Variants in CCDC60 observed in about 807,000 individuals in gnomAD.
CCDC60 encodes coiled-coil domain-containing protein 60.
In CCDC60, 54 loss-of-function variants were observed where a neutral mutation model predicts 63.5. The ratio of observed to expected loss-of-function variants is 0.85; its 90% CI spans 0.68 to 1.07. The LOEUF (loss-of-function observed/expected upper bound fraction) is 1.07. Among genes scored for constraint, CCDC60 ranks in the 50% least tolerant of loss-of-function variants. CCDC60 has a pLI of 0.00. For missense variants in CCDC60, 651 were observed against 684.3 expected (o/e 0.95, Z 0.54); for synonymous variants, 206 against 238.8 (o/e 0.86, Z 1.27).
chr12:119,386,930 G>A (rs1408326565), intron 1 of CCDC60, among the ~76,000 whole-genome samples: 2 of 151,820 alleles, frequency 1.3e-5, no homozygotes, highest in Non-Finnish European at 2.9e-5. Flanking sequence ...TATTTCTATG[G>A]AGAATTCTCC....
In CCDC60 at chr12:119,531,004, G is replaced by T. The variant is rs141367042; in HGVS notation, c.1492G>T (p.Val498Leu). The T allele has an allele frequency of 1.2e-6, 2 of 1,614,126 alleles. No individual in the cohort carries two copies. Among genetic ancestry groups the T allele is most frequent in the Non-Finnish European group, 1.7e-6 (2 of 1,179,986 alleles). The part of the protein sequence containing the change: ...LRIRPHVLLK[V>L]LQDLRIWELC... ...GATTCGACCCCATGTCCTCCTGAAG[G>T]TGCTGCAGGATCTGAGGATTTGGGA... The change falls in exon 13 of 14, where the codon GTG becomes TTG. Residue 498 changes from valine (V) to leucine (L), a missense_variant. By Grantham distance (32) the Val-to-Leu change is conservative. Transcript: ENST00000327554.
intron 1 of CCDC60, among the ~76,000 whole-genome samples, chr12:119,384,195 C>CA (rs1026311643): frequency 2.3e-3 from 312 of 136,504 alleles, no homozygotes; most frequent in African/African-American, 6.9e-3. Flanking sequence ...GACTCCATCT[C>CA]AAAAAAAAAA....
intron 1 of CCDC60, among the ~76,000 whole-genome samples, chr12:119,392,459 C>G (rs1371948986): frequency 6.6e-6 from 1 of 152,148 alleles, no homozygotes; most frequent in Non-Finnish European, 1.5e-5. Flanking sequence ...CTGGTTTTCT[C>G]ATCTGTAAAA....
At chr12:119,535,628 T>C (rs766054933) in intron 13 of CCDC60, among the ~76,000 whole-genome samples, 4 of 152,216 alleles carry the variant, frequency 2.6e-5, no homozygotes, top group Non-Finnish European at 4.4e-5. Flanking sequence ...TTGTTTTCAT[T>C]GGTTTCAAAG....
chr12:119,462,846 C>CA (rs1950882119), intron 2 of CCDC60, among the ~76,000 whole-genome samples: 1 of 146,840 alleles, frequency 6.8e-6, no homozygotes, highest in African/African-American at 2.5e-5. Flanking sequence ...ATTTTTGAGA[C>CA]AGAGTCTTGC....
intron 1 of CCDC60, among the ~76,000 whole-genome samples, chr12:119,398,493 A>G (rs1956327162): frequency 6.6e-6 from 1 of 152,202 alleles, no homozygotes; most frequent in Non-Finnish European, 1.5e-5. Flanking sequence ...CCCACAGTGC[A>G]GCTCAGGCTG....
At chr12:119,510,096 C>G (rs1867199694) in intron 7 of CCDC60, among the ~76,000 whole-genome samples, 1 of 152,172 alleles carries the variant, frequency 6.6e-6, no homozygotes, top group Non-Finnish European at 1.5e-5. Context: ...AACTAGTTTC[C>G]CTGCTTCTTG....
chr12:119,418,188 A>G (rs879745851), intron 1 of CCDC60, among the ~76,000 whole-genome samples: 5 of 152,076 alleles, frequency 3.3e-5, no homozygotes, highest in Non-Finnish European at 7.4e-5. Flanking sequence ...TGTATGTACT[A>G]TATATATAAT....
rs552126165 is a variant in CCDC60 at position 119,414,377 on chromosome 12, TACTC to T, written c.91-14303_91-14300del. ...TGTGTGTCTCCCTCAACCCTCTTCA[TACTC>T]ACCTTCCTTCTCAGCAAACCCTTCT... On this transcript the variant is annotated intron_variant, in intron 1 of 13. Transcript: ENST00000327554. Among the ~76,000 whole-genome samples, 9 of 152,204 alleles carry T rather than the reference TACTC, an allele frequency of 5.9e-5. No homozygotes were observed. In the East Asian group the frequency reaches 1.7e-3, roughly 30 times the overall value.
chr12:119,398,551 G>A (rs532144015), intron 1 of CCDC60, among the ~76,000 whole-genome samples: 4 of 152,234 alleles, frequency 2.6e-5, no homozygotes, highest in South Asian at 2.1e-4. Flanking sequence ...CCGAGGAGGC[G>A]CCAAGAGTGA....
At chr12:119,417,368 T>A (rs542101857) in intron 1 of CCDC60, among the ~76,000 whole-genome samples, 1 of 152,318 alleles carries the variant, frequency 6.6e-6, no homozygotes, top group Admixed American at 6.5e-5. Flanking sequence ...CAGCCTGGGA[T>A]GTTGCCTGGA....
chr12:119,489,609 C>A (rs1477706189), intron 5 of CCDC60, among the ~76,000 whole-genome samples: 1 of 152,168 alleles, frequency 6.6e-6, no homozygotes, highest in Non-Finnish European at 1.5e-5. Flanking sequence ...GGCATTGGTT[C>A]TTTAAGAAGG....
chr12:119,410,874 C>T lies in CCDC60; in HGVS notation c.91-17809C>T, dbSNP rs1956585669. ...TCTCCTGCCTCAGCCTTCTGAGTAG[C>T]TGGGACTACAGGCACGCACCACTAC... is the stretch of plus-strand genomic sequence containing the variant. On this transcript the variant is annotated intron_variant, in intron 1 of 13. Coordinates refer to ENST00000327554, the MANE Select transcript of CCDC60 (RefSeq NM_178499.5). The surrounding 1 kb of genome is among the most constrained non-coding windows in gnomAD (Gnocchi z 4.0). Among the ~76,000 whole-genome samples the T allele has an allele frequency of 6.6e-6, 1 of 152,116 alleles. No homozygotes were observed. The highest frequency in any genetic ancestry group is 2.1e-4 in the South Asian group (1 of 4,812).
rs554439061 is a variant in CCDC60 at position 119,421,878 on chromosome 12, T to A, written c.91-6805T>A. Among the ~76,000 whole-genome samples, 3 of 152,284 alleles carry A rather than the reference T, an allele frequency of 2.0e-5. No individual in the cohort carries two copies. In the East Asian group the frequency reaches 5.8e-4, roughly 29 times the overall value. On this transcript the variant is annotated intron_variant, in intron 1 of 13. Transcript: ENST00000327554. ...CACACCACTTCCCGATGCTACTATT[T>A]AAACAGCCCCAGCACATGAATATTA...
At chr12:119,486,166 G>A (rs1422952929) in intron 4 of CCDC60, among the ~76,000 whole-genome samples, 2 of 152,192 alleles carry the variant, frequency 1.3e-5, no homozygotes, top group Non-Finnish European at 2.9e-5. Flanking sequence ...TGCTGGACAT[G>A]GCCTATGTAC....
chr12:119,495,169 G>A (rs1248230005), intron 5 of CCDC60, among the ~76,000 whole-genome samples: 1 of 152,194 alleles, frequency 6.6e-6, no homozygotes, highest in Non-Finnish European at 1.5e-5. Flanking sequence ...CAAAAGGTAA[G>A]GCAGGATTCG....
chr12:119,525,797 T>A (rs1952663578), intron 11 of CCDC60, among the ~76,000 whole-genome samples: 1 of 152,196 alleles, frequency 6.6e-6, no homozygotes, highest in Non-Finnish European at 1.5e-5. Flanking sequence ...CCCATGCTCA[T>A]GAGTAGGAAG....
chr12:119,536,330 C>A (rs568297433), intron 13 of CCDC60, among the ~76,000 whole-genome samples: 1 of 152,292 alleles, frequency 6.6e-6, no homozygotes, highest in South Asian at 2.1e-4. Context: ...GATGGGTCTA[C>A]TGAATACAGC....
chr12:119,494,650 T>C (rs796703003), intron 5 of CCDC60, among the ~76,000 whole-genome samples: 1 of 152,092 alleles, frequency 6.6e-6, no homozygotes, highest in African/African-American at 2.4e-5. Context: ...CACATATGAG[T>C]AAAAGGCAAC....
Sources: gnomAD v4.1 joint callset for allele counts (sites outside exome capture counted in the v4.1 genomes callset) on GRCh38, gnomAD v4.1.1 for gene constraint, Gnocchi (gnomAD v3.1) non-coding constraint, MANE v1.5 for transcripts, NCBI Gene and HGNC (gene_info 2026-07-23, HGNC 2026-07-21) for gene names.